PSD3: variants seen among roughly 807,000 people sequenced by gnomAD.
PSD3 encodes pleckstrin and Sec7 domain containing 3.
In PSD3, 49 loss-of-function variants were observed where a neutral mutation model predicts 105.5. The ratio of observed to expected loss-of-function variants is 0.46; its 90% CI spans 0.37 to 0.59. PSD3 has a LOEUF of 0.59. PSD3 is among the 20% of genes least tolerant of loss of function. The pLI is 0.00. For synonymous variants in PSD3, 557 were observed against 457.8 expected (o/e 1.22, Z -2.77); for missense variants, 1,561 against 1,263.8 (o/e 1.24, Z -3.57).
At chr8:18,977,426 G>A (rs1471404116) in intron 1 of PSD3, among the ~76,000 whole-genome samples, 1 of 152,052 alleles carries the variant, frequency 6.6e-6, no homozygotes, top group East Asian at 1.9e-4. Context: ...GATTAAAGGA[G>A]CTAACAGATA....
chr8:18,765,233 T>G (rs964775123), intron 9 of PSD3, among the ~76,000 whole-genome samples: 1 of 152,200 alleles, frequency 6.6e-6, no homozygotes, highest in African/African-American at 2.4e-5. Flanking sequence ...TTTACTTACC[T>G]CAGTATTATT....
At chr8:18,789,237 A>AT (rs201245573) in intron 8 of PSD3, among the ~76,000 whole-genome samples, 1 of 152,080 alleles carries the variant, frequency 6.6e-6, no homozygotes, top group African/African-American at 2.4e-5. Flanking sequence ...CACTAAAAAC[A>AT]TTTTTTTCAT....
intron 14 of PSD3, among the ~76,000 whole-genome samples, chr8:18,558,727 A>C (rs1801223905): frequency 6.6e-6 from 1 of 152,204 alleles, no homozygotes; most frequent in Non-Finnish European, 1.5e-5. Context: ...AGGCTGAGGC[A>C]GGAGAATCAC....
intron 8 of PSD3, chr8:18,799,089 C>A: frequency 1.9e-6 from 1 of 520,854 alleles, no homozygotes; most frequent in Non-Finnish European, 3.4e-6. Context: ...CTCCAGACAC[C>A]AGGACGATGG....
intron 4 of PSD3, among the ~76,000 whole-genome samples, chr8:18,843,721 C>G (rs566341398): frequency 6.6e-6 from 1 of 152,096 alleles, no homozygotes; most frequent in Non-Finnish European, 1.5e-5. Context: ...GAACTAATAT[C>G]AAAAGCATGG....
chr8:19,067,882 C>G (rs150999103), intron 1 of PSD3, among the ~76,000 whole-genome samples: 3 of 152,184 alleles, frequency 2.0e-5, no homozygotes, highest in Non-Finnish European at 4.4e-5. Context: ...CCCATGCACT[C>G]TATCTTTTCA....
chr8:18,628,425 A>G (rs1806651397), intron 11 of PSD3, among the ~76,000 whole-genome samples: 1 of 151,924 alleles, frequency 6.6e-6, no homozygotes, highest in Admixed American at 6.6e-5. Context: ...GCAGGGAAAA[A>G]TGAAACATCA....
chr8:18,822,538 T>C (rs531197204), intron 4 of PSD3, among the ~76,000 whole-genome samples: 1 of 152,336 alleles, frequency 6.6e-6, no homozygotes, highest in African/African-American at 2.4e-5. Flanking sequence ...CAAAAGTCTG[T>C]GACCTGGCTG....
rs368130624 is a variant in PSD3, at chr8:18,782,033, A to G, written c.2083-16495T>C. Among the ~76,000 whole-genome samples the G allele has an allele frequency of 8.9e-4, 135 of 152,188 alleles. 1 individual carries two copies. The highest frequency in any genetic ancestry group is 3.1e-3 in the African/African-American group (129 of 41,544). Reference sequence around the variant, plus strand: ...TGAATTCTTCAGTTTCAGGATTTCTATTTAACTTCTTTCTGACATCTTTGT... The same window carrying G: ...TGAATTCTTCAGTTTCAGGATTTCTGTTTAACTTCTTTCTGACATCTTTGT... On this transcript the variant is annotated intron_variant, in intron 8 of 15. Transcript: ENST00000327040.
chr8:18,946,481 T>A (rs1383330252), intron 1 of PSD3, among the ~76,000 whole-genome samples: 2 of 152,032 alleles, frequency 1.3e-5, no homozygotes, highest in African/African-American at 4.8e-5. Flanking sequence ...CTCAGGAGCG[T>A]GAGGGAGGAG....
intron 9 of PSD3, among the ~76,000 whole-genome samples, chr8:18,749,893 C>A (rs1274902495): frequency 2.0e-5 from 3 of 152,150 alleles, no homozygotes; most frequent in African/African-American, 7.2e-5. Flanking sequence ...GAACTTAATC[C>A]TTCCAACAAG....
intron 2 of PSD3, among the ~76,000 whole-genome samples, chr8:18,874,034 G>A (rs1359583668): frequency 6.6e-6 from 1 of 152,154 alleles, no homozygotes. Context: ...CTAGTATCCA[G>A]TCTTCTTCTG....
At chr8:18,827,123 T>G (rs1171930336) in intron 4 of PSD3, among the ~76,000 whole-genome samples, 2 of 152,164 alleles carry the variant, frequency 1.3e-5, no homozygotes. Flanking sequence ...GGGCACCATA[T>G]GAATAAAGAG....
chr8:18,927,210 G>A (rs558599616), intron 2 of PSD3, among the ~76,000 whole-genome samples: 3 of 151,890 alleles, frequency 2.0e-5, no homozygotes, highest in Non-Finnish European at 2.9e-5. Flanking sequence ...GTCCTTTCGG[G>A]TTTTTTTGTT....
intron 10 of PSD3, among the ~76,000 whole-genome samples, chr8:18,642,115 G>C (rs1807690989): frequency 6.6e-6 from 1 of 152,132 alleles, no homozygotes; most frequent in Non-Finnish European, 1.5e-5. Context: ...TAGTAACTTG[G>C]CTTTCTAAAT....
chr8:18,788,929 G>A (rs1242858859), intron 8 of PSD3, among the ~76,000 whole-genome samples: 3 of 152,076 alleles, frequency 2.0e-5, no homozygotes, highest in East Asian at 3.9e-4. Context: ...ATGACTGGGG[G>A]GCAAAGGAGG....
chr8:18,693,699 T>C (rs924255336), intron 9 of PSD3, among the ~76,000 whole-genome samples: 4 of 152,196 alleles, frequency 2.6e-5, no homozygotes, highest in Admixed American at 1.3e-4. Flanking sequence ...CCCCACACTT[T>C]TCCTACGGAA....
chr8:18,812,271 C>G (rs1189532059), intron 4 of PSD3, among the ~76,000 whole-genome samples: 2 of 152,280 alleles, frequency 1.3e-5, no homozygotes, highest in Non-Finnish European at 2.9e-5. Flanking sequence ...TGAGAAACAC[C>G]TGTGAGCTCA....
At chr8:18,787,539 C>G (rs1809283331) in intron 8 of PSD3, among the ~76,000 whole-genome samples, 1 of 152,096 alleles carries the variant, frequency 6.6e-6, no homozygotes, top group Non-Finnish European at 1.5e-5. Flanking sequence ...AAATTCCAGG[C>G]AGGCCCAATT....
Sources: gnomAD v4.1 joint callset for allele counts (sites outside exome capture counted in the v4.1 genomes callset) on GRCh38, gnomAD v4.1.1 for gene constraint, MANE v1.5 for transcripts, NCBI Gene and HGNC (gene_info 2026-07-23, HGNC 2026-07-21) for gene names.